PDE11A: variants seen among roughly 807,000 people sequenced by gnomAD.
PDE11A encodes phosphodiesterase 11A, also known as dual 3',5'-cyclic-AMP and -GMP phosphodiesterase 11A.
In PDE11A, 100 loss-of-function variants were observed where a neutral mutation model predicts 100.5. The ratio of observed to expected loss-of-function variants is 1.00; its 90% confidence interval spans 0.85 to 1.18. The LOEUF (loss-of-function observed/expected upper bound fraction) is 1.18. PDE11A is among the 50% of genes most tolerant of loss of function. The pLI is 0.00. For synonymous variants in PDE11A, 381 were observed against 420.8 expected, an observed-to-expected ratio of 0.91 and a Z score of 1.16; for missense variants, 1,141 against 1,152.6, an observed-to-expected ratio of 0.99 and a Z score of 0.15.
intron 4 of PDE11A, among the ~76,000 whole-genome samples, chr2:177,897,338 AG>A (rs2084626643): frequency 6.6e-6 from 1 of 152,194 alleles, no homozygotes; most frequent in Non-Finnish European, 1.5e-5. Context: ...AAAACCAGAA[AG>A]CTGGCCACAA....
Position 177,635,116 on chromosome 2 carries a change from G to C in PDE11A, c.2647-5554C>G, listed in dbSNP as rs143685864. Among the ~76,000 whole-genome samples, 321 of 152,292 alleles carry C rather than the reference G, an allele frequency of 2.1e-3. 2 individuals are homozygous for C. The highest frequency in any genetic ancestry group is 7.5e-3 in the African/African-American group (310 of 41,566). On this transcript the variant is annotated intron_variant, in intron 19 of 19. Coordinates refer to ENST00000286063, the MANE Select transcript of PDE11A (RefSeq NM_016953.4). ...GCAGTGCGTGCACAACCTCCCAGGGGAGTCCATTTAGTTTTTGATTGTTCT... is the reference window on the plus strand; with the variant it reads ...GCAGTGCGTGCACAACCTCCCAGGGCAGTCCATTTAGTTTTTGATTGTTCT...
chr2:177,627,094 C>T lies in PDE11A; in HGVS notation c.*2313G>A, dbSNP rs2079847700. ...GGTCGCCCAGGCTGGAGGGCAGTGA[C>T]GTGATCTCGACTCACTGCAAGCTCC... is the stretch of plus-strand genomic sequence containing the variant. On this transcript the variant is annotated 3_prime_UTR_variant, in exon 20 of 20. Coordinates refer to ENST00000286063, the MANE Select transcript of PDE11A (RefSeq NM_016953.4). 1 of 124,174 alleles carries T rather than the reference C, an allele frequency of 8.1e-6. No homozygotes were observed. The highest frequency in any genetic ancestry group is 1.6e-5 in the Non-Finnish European group (1 of 63,830). The allele number at this position is 124,174 out of a possible 1,614,324, so 7.7% of individuals were successfully genotyped here.
intron 1 of PDE11A, among the ~76,000 whole-genome samples, chr2:178,039,320 C>T (rs1327934251): frequency 1.3e-5 from 2 of 151,996 alleles, no homozygotes; most frequent in Non-Finnish European, 2.9e-5. Flanking sequence ...TAAGTGGGAG[C>T]TAAATGATGA....
chr2:177,782,243 T>C (rs1475719309), intron 9 of PDE11A, among the ~76,000 whole-genome samples: 1 of 152,208 alleles, frequency 6.6e-6, no homozygotes, highest in Non-Finnish European at 1.5e-5. Context: ...CAAATTATTA[T>C]CTGGTGAATT....
chr2:178,072,386 G>A lies in PDE11A; in HGVS notation c.52C>T (p.His18Tyr), dbSNP rs771003687. The A allele has an allele frequency of 2.5e-6, 4 of 1,613,778 alleles. No individual in the cohort carries two copies. The highest frequency in any genetic ancestry group is 3.4e-6 in the Non-Finnish European group (4 of 1,180,032). The change falls in exon 1 of 20, where the codon CAC becomes TAC. Residue 18 changes from histidine to tyrosine, a missense_variant. By Grantham distance (83) the His-to-Tyr change is moderately conservative. Coordinates refer to ENST00000286063, the MANE Select transcript of PDE11A (RefSeq NM_016953.4). ...FGEVETFLDR[H>Y]PELFEDYLMR... ...AAGTAATCTTCAAACAACTCTGGGTGCCTGTCCAGGAAAGTTTCCACCTCC... is the reference window on the plus strand; with the variant it reads ...AAGTAATCTTCAAACAACTCTGGGTACCTGTCCAGGAAAGTTTCCACCTCC...
At chr2:177,845,634 C>T (rs2083580288) in intron 5 of PDE11A, among the ~76,000 whole-genome samples, 1 of 152,154 alleles carries the variant, frequency 6.6e-6, no homozygotes, top group African/African-American at 2.4e-5. Flanking sequence ...GGGGTGGCGG[C>T]CGGGCAGAGG....
chr2:177,831,269 A>G (rs3770050), intron 6 of PDE11A, among the ~76,000 whole-genome samples: 14,753 of 152,270 alleles, frequency 0.097, 749 homozygotes, highest in Middle Eastern at 0.14. Context: ...TGGGGTTTAC[A>G]TCACATTAAA....
intron 2 of PDE11A, among the ~76,000 whole-genome samples, chr2:177,906,632 T>G (rs2084794012): frequency 6.6e-6 from 1 of 152,164 alleles, no homozygotes; most frequent in Non-Finnish European, 1.5e-5. Context: ...GTTTTGGGGA[T>G]AAATTCCTTC....
At chr2:177,879,151 G>T (rs1485487822) in intron 4 of PDE11A, among the ~76,000 whole-genome samples, 1 of 152,124 alleles carries the variant, frequency 6.6e-6, no homozygotes, top group Non-Finnish European at 1.5e-5. Context: ...CTGCAAATCT[G>T]ATAGCAATAC....
At chr2:178,045,767 G>A (rs2086741744) in intron 1 of PDE11A, among the ~76,000 whole-genome samples, 1 of 152,156 alleles carries the variant, frequency 6.6e-6, no homozygotes. Context: ...ACAATTGTTG[G>A]GATCTTCGCA....
At chr2:178,069,482 A>T (rs1035004479) in intron 1 of PDE11A, among the ~76,000 whole-genome samples, 1 of 152,222 alleles carries the variant, frequency 6.6e-6, no homozygotes, top group African/African-American at 2.4e-5. Context: ...AACCAAGGGT[A>T]AATTCCCAAC....
chr2:177,763,781 C>G (rs1440262555), intron 10 of PDE11A, among the ~76,000 whole-genome samples: 1 of 152,206 alleles, frequency 6.6e-6, no homozygotes, highest in East Asian at 1.9e-4. Flanking sequence ...TGGGCTCTTC[C>G]AGGGCTTCGG....
intron 1 of PDE11A, among the ~76,000 whole-genome samples, chr2:178,034,886 G>A (rs1159503556): frequency 2.0e-5 from 3 of 152,154 alleles, no homozygotes; most frequent in African/African-American, 7.2e-5. Context: ...TGTTGAGAGG[G>A]AAATTTATAG....
At chr2:178,002,520 T>C (rs567574024) in intron 2 of PDE11A, among the ~76,000 whole-genome samples, 116 of 152,302 alleles carry the variant, frequency 7.6e-4, no homozygotes, top group African/African-American at 2.6e-3. Flanking sequence ...ATAGCAAGAT[T>C]ATAGGAAAGT....
chr2:177,657,573 T>C (rs529043805), intron 19 of PDE11A, among the ~76,000 whole-genome samples: 1 of 151,408 alleles, frequency 6.6e-6, no homozygotes, highest in South Asian at 2.1e-4. Flanking sequence ...CATGTAAGGA[T>C]AGTTCCCATC....
At chr2:177,725,187 C>T (rs2081582828) in intron 12 of PDE11A, among the ~76,000 whole-genome samples, 2 of 151,964 alleles carry the variant, frequency 1.3e-5, no homozygotes, top group South Asian at 4.1e-4. Context: ...AATTGATGAG[C>T]GAGTTAAATT....
intron 2 of PDE11A, among the ~76,000 whole-genome samples, chr2:177,993,318 A>C (rs2086026923): frequency 6.6e-6 from 1 of 152,264 alleles, no homozygotes; most frequent in Non-Finnish European, 1.5e-5. Context: ...TGGAGCAAAT[A>C]ATTTAAATTT....
At chr2:177,779,921 T>A (rs1272482058) in intron 9 of PDE11A, among the ~76,000 whole-genome samples, 1 of 152,222 alleles carries the variant, frequency 6.6e-6, no homozygotes, top group Non-Finnish European at 1.5e-5. Context: ...AATCACTATG[T>A]ATGGCAGCTA....
At chr2:177,730,511 T>G (rs764315282) in intron 10 of PDE11A, among the ~76,000 whole-genome samples, 4 of 152,062 alleles carry the variant, frequency 2.6e-5, no homozygotes, top group Non-Finnish European at 5.9e-5. Context: ...CCTTTAGTTT[T>G]TATTTTCTTT....
Sources: gnomAD v4.1 joint callset for allele counts (sites outside exome capture counted in the v4.1 genomes callset) on GRCh38, gnomAD v4.1.1 for gene constraint, MANE v1.5 for transcripts, NCBI Gene and HGNC (gene_info 2026-07-23, HGNC 2026-07-21) for gene names.